Variants in SNTG2 observed in about 807,000 individuals in gnomAD.
SNTG2 encodes syntrophin gamma 2, also known as gamma-2-syntrophin.
Under a neutral mutation model 70.9 loss-of-function variants are expected in SNTG2, and 74 were observed. The ratio of observed to expected loss-of-function variants is 1.04; its 90% confidence interval spans 0.86 to 1.27. The LOEUF is 1.27. SNTG2 is among the 50% of genes most tolerant of loss of function. The probability of loss-of-function intolerance (pLI) is 0.00; values close to 1 mark genes in which losing one functional copy is unlikely to be tolerated. For missense variants in SNTG2, 717 were observed against 690.7 expected, an observed-to-expected ratio of 1.04 and a Z score of -0.43; for synonymous variants, 278 against 273.8, an observed-to-expected ratio of 1.02 and a Z score of -0.15.
intron 6 of SNTG2, among the ~76,000 whole-genome samples, chr2:1,155,969 G>A (rs1315624987): frequency 6.6e-6 from 1 of 152,154 alleles, no homozygotes; most frequent in Non-Finnish European, 1.5e-5. Context: ...AGACAGAGGG[G>A]ACACCCAGAA....
intron 15 of SNTG2, among the ~76,000 whole-genome samples, chr2:1,312,698 C>A (rs1326441991): frequency 3.9e-5 from 6 of 152,220 alleles, no homozygotes. Flanking sequence ...ACTTCCCACA[C>A]CGCAGCAAAT....
chr2:1,317,881 T>C (rs13021457), intron 16 of SNTG2, among the ~76,000 whole-genome samples: 26,284 of 73,144 alleles, frequency 0.36, 7,349 homozygotes, highest in Middle Eastern at 0.57. Flanking sequence ...ATGGTGACCA[T>C]TGAAACAAAG....
At chr2:959,116 C>A (rs137972824) in intron 1 of SNTG2, among the ~76,000 whole-genome samples, 2,984 of 152,000 alleles carry the variant, frequency 0.02, 87 homozygotes, top group African/African-American at 0.068. Context: ...TTAAAAAATT[C>A]ATTTCTATGT....
At position 1,278,534 on chromosome 2, in the gene SNTG2, A is replaced by G. The variant is rs551560125; in HGVS notation, c.1284+10963A>G. Among the ~76,000 whole-genome samples the G allele has an allele frequency of 2.6e-5, 4 of 152,280 alleles. No homozygotes were observed. The South Asian group carries it at 8.3e-4, about 32-fold the overall frequency. Reference sequence around the variant, plus strand: ...ACCATCTGCTAAGTTCTTTTATTTAAAAAAATTTTAGATTCCTTACGCATC... The same window carrying G: ...ACCATCTGCTAAGTTCTTTTATTTAGAAAAATTTTAGATTCCTTACGCATC... On this transcript the variant is annotated intron_variant, in intron 14 of 16. Transcript: ENST00000308624.
At chr2:1,045,450 T>C (rs887390627) in intron 1 of SNTG2, among the ~76,000 whole-genome samples, 1 of 152,164 alleles carries the variant, frequency 6.6e-6, no homozygotes, top group African/African-American at 2.4e-5. Context: ...CTTTCTTTTT[T>C]TCTTTTTCAA....
intron 4 of SNTG2, among the ~76,000 whole-genome samples, chr2:1,113,518 G>A (rs1046801071): frequency 1.3e-5 from 2 of 151,890 alleles, no homozygotes; most frequent in Non-Finnish European, 2.9e-5. Context: ...CCTTTGACGA[G>A]GATTGTGTGT....
intron 1 of SNTG2, among the ~76,000 whole-genome samples, chr2:1,027,880 A>T (rs1301676484): frequency 6.6e-6 from 1 of 151,134 alleles, no homozygotes; most frequent in African/African-American, 2.4e-5. Flanking sequence ...TAACTCATGC[A>T]TCTCTGTTGA....
chr2:1,304,745 A>G (rs1488148836), intron 14 of SNTG2, among the ~76,000 whole-genome samples: 1 of 148,520 alleles, frequency 6.7e-6, no homozygotes, highest in Non-Finnish European at 1.5e-5. Context: ...AAAAAAAAAG[A>G]TGGTTTTATT....
intron 1 of SNTG2, among the ~76,000 whole-genome samples, chr2:984,141 G>A (rs189575252): frequency 6.6e-6 from 1 of 152,136 alleles, no homozygotes; most frequent in Non-Finnish European, 1.5e-5. Context: ...CAGAGGTGAC[G>A]CTATTGAATC....
intron 4 of SNTG2, among the ~76,000 whole-genome samples, chr2:1,135,740 CAAAG>C (rs1275422798): frequency 6.6e-6 from 1 of 152,138 alleles, no homozygotes; most frequent in African/African-American, 2.4e-5. Flanking sequence ...AACAAAAAAA[CAAAG>C]ACATTATCTC....
chr2:1,203,671 AAAATAT>A (rs1553355230), intron 8 of SNTG2, among the ~76,000 whole-genome samples: 30 of 67,102 alleles, frequency 4.5e-4, no homozygotes, highest in South Asian at 1.6e-3. Flanking sequence ...AACAAAAAAA[AAAATAT>A]ATATATATAT....
At chr2:1,272,061 G>C (rs999994316) in intron 14 of SNTG2, among the ~76,000 whole-genome samples, 1 of 152,164 alleles carries the variant, frequency 6.6e-6, no homozygotes, top group Non-Finnish European at 1.5e-5. Context: ...GTGAATGACA[G>C]TTTTTCCACG....
chr2:1,238,501 C>T (rs977133329), intron 10 of SNTG2, among the ~76,000 whole-genome samples: 6 of 152,078 alleles, frequency 3.9e-5, no homozygotes, highest in South Asian at 2.1e-4. Flanking sequence ...CCCCCAGAAA[C>T]GAAAAAGTAT....
chr2:1,272,636 C>T (rs67332911), intron 14 of SNTG2, among the ~76,000 whole-genome samples: 29,352 of 127,210 alleles, frequency 0.23, 4,258 homozygotes, highest in African/African-American at 0.42. Context: ...AGAAAGGACA[C>T]CCCAGGGAAA....
At chr2:981,856 C>G (rs186876444) in intron 1 of SNTG2, among the ~76,000 whole-genome samples, 1 of 152,194 alleles carries the variant, frequency 6.6e-6, no homozygotes, top group African/African-American at 2.4e-5. Context: ...TGAACACACA[C>G]GTCCACACAG....
chr2:1,079,465 T>A (rs1196301014), intron 1 of SNTG2, among the ~76,000 whole-genome samples: 1 of 152,080 alleles, frequency 6.6e-6, no homozygotes, highest in East Asian at 1.9e-4. Context: ...TGACTTTAGT[T>A]TTTTAACATT....
At chr2:1,026,277 C>G (rs1316686028) in intron 1 of SNTG2, among the ~76,000 whole-genome samples, 1 of 152,182 alleles carries the variant, frequency 6.6e-6, no homozygotes, top group Non-Finnish European at 1.5e-5. Context: ...TAATCAGACT[C>G]TCAATTGGCG....
At chr2:1,308,640 T>G in intron 15 of SNTG2, 54 bp downstream of exon 15, 1 of 1,422,862 alleles carries the variant, frequency 7.0e-7, no homozygotes, top group Non-Finnish European at 9.7e-7. Flanking sequence ...CTTGGTTACA[T>G]TCCATGGGCG....
At chr2:1,190,495 CTA>C (rs72001718) in intron 8 of SNTG2, among the ~76,000 whole-genome samples, 8,196 of 86,148 alleles carry the variant, frequency 0.095, 280 homozygotes, top group African/African-American at 0.11. Flanking sequence ...GGAGGGCTGA[CTA>C]TATATATATA....
Sources: gnomAD v4.1 joint callset for allele counts (sites outside exome capture counted in the v4.1 genomes callset) on GRCh38, gnomAD v4.1.1 for gene constraint, MANE v1.5 for transcripts, NCBI Gene and HGNC (gene_info 2026-07-23, HGNC 2026-07-21) for gene names.